Variants in MARCHF1 observed in about 807,000 individuals in gnomAD.
The protein encoded by MARCHF1 is E3 ubiquitin-protein ligase MARCHF1.
In MARCHF1, 40 loss-of-function variants were observed where a neutral mutation model predicts 54.2. The observed-to-expected ratio is 0.74, with a 90% CI of 0.57 to 0.96. The LOEUF (loss-of-function observed/expected upper bound fraction) is 0.96. Ranked by LOEUF, MARCHF1 falls within the 40% of genes least tolerant of loss-of-function variation. The pLI, the probability that MARCHF1 is intolerant of heterozygous loss-of-function variation, is 0.00. For missense variants in MARCHF1, 586 were observed against 656.5 expected, an observed-to-expected ratio of 0.89 and a Z score of 1.17; for synonymous variants, 236 against 236.3, an observed-to-expected ratio of 1.00 and a Z score of 0.01.
chr4:164,207,670 G>C (rs58936603), intron 1 of MARCHF1, among the ~76,000 whole-genome samples: 13,104 of 152,150 alleles, frequency 0.086, 883 homozygotes, highest in East Asian at 0.18. Context: ...CAGCAGCGAA[G>C]CCAAGGCAGT....
chr4:164,282,724 C>G (rs1734055430), intron 1 of MARCHF1, among the ~76,000 whole-genome samples: 1 of 151,274 alleles, frequency 6.6e-6, no homozygotes, highest in African/African-American at 2.4e-5. Context: ...ATTTGGAAAT[C>G]TGAGAGACCA....
At chr4:164,138,470 C>G (rs1373225514) in intron 1 of MARCHF1, among the ~76,000 whole-genome samples, 5 of 152,228 alleles carry the variant, frequency 3.3e-5, no homozygotes, top group Admixed American at 6.5e-5. Context: ...GAGATCACTT[C>G]CAAGAAGTAG....
At chr4:164,197,462 G>C in intron 1 of MARCHF1, 3 of 1,613,630 alleles carry the variant, frequency 1.9e-6, no homozygotes, top group Non-Finnish European at 2.5e-6. Flanking sequence ...GTGAGGTTTG[G>C]ACACTTTTCT....
At chr4:163,873,719 C>G (rs1359644718) in intron 3 of MARCHF1, among the ~76,000 whole-genome samples, 1 of 152,142 alleles carries the variant, frequency 6.6e-6, no homozygotes, top group African/African-American at 2.4e-5. Flanking sequence ...AATTCCTTTC[C>G]CTTCCTTCCT....
At chr4:164,304,108 G>A (rs1275385354) in intron 1 of MARCHF1, among the ~76,000 whole-genome samples, 1 of 152,198 alleles carries the variant, frequency 6.6e-6, no homozygotes, top group African/African-American at 2.4e-5. Context: ...TGTAAGCCAT[G>A]AAATAGTACA....
At chr4:163,777,159 T>C (rs181350144) in intron 4 of MARCHF1, among the ~76,000 whole-genome samples, 1 of 152,192 alleles carries the variant, frequency 6.6e-6, no homozygotes, top group African/African-American at 2.4e-5. Flanking sequence ...ATGTTTAAGT[T>C]GCATGCTAAT....
chr4:163,801,149 G>A (rs1333970295), intron 4 of MARCHF1, among the ~76,000 whole-genome samples: 1 of 152,002 alleles, frequency 6.6e-6, no homozygotes, highest in African/African-American at 2.4e-5. Context: ...TCGGGAGTTG[G>A]AGGAAGAACA....
intron 8 of MARCHF1, among the ~76,000 whole-genome samples, chr4:163,552,658 G>T (rs900421787): frequency 2.0e-5 from 3 of 152,102 alleles, no homozygotes; most frequent in African/African-American, 4.8e-5. Context: ...ACACACTCAG[G>T]CCTCGTTGAA....
At chr4:163,856,680 T>A (rs1444760628) in intron 3 of MARCHF1, among the ~76,000 whole-genome samples, 1 of 152,178 alleles carries the variant, frequency 6.6e-6, no homozygotes, top group Non-Finnish European at 1.5e-5. Context: ...TATGTTAGAA[T>A]CACAGCATCA....
intron 1 of MARCHF1, among the ~76,000 whole-genome samples, chr4:164,339,907 C>T (rs933373337): frequency 2.0e-5 from 3 of 152,032 alleles, no homozygotes; most frequent in South Asian, 2.1e-4. Context: ...CACAGAAATA[C>T]AAATAATCCG....
At chr4:164,362,368 A>T (rs1454040671) in intron 1 of MARCHF1, among the ~76,000 whole-genome samples, 2 of 152,166 alleles carry the variant, frequency 1.3e-5, no homozygotes, top group Non-Finnish European at 2.9e-5. Context: ...AAAAATCTAG[A>T]TGATCAACAA....
chr4:163,547,215 G>T (rs73866788), intron 8 of MARCHF1, among the ~76,000 whole-genome samples: 79 of 152,302 alleles, frequency 5.2e-4, no homozygotes, highest in Admixed American at 9.8e-4. Context: ...GGGCCTCACT[G>T]CCTCGTCTTC....
intron 2 of MARCHF1, among the ~76,000 whole-genome samples, chr4:164,002,535 A>C (rs910117084): frequency 2.6e-5 from 4 of 151,748 alleles, no homozygotes; most frequent in South Asian, 2.1e-4. Context: ...CCAAAAAAAA[A>C]CTTAAAAAAC....
intron 7 of MARCHF1, among the ~76,000 whole-genome samples, chr4:163,599,855 G>A (rs539506403): frequency 1.3e-5 from 2 of 152,294 alleles, no homozygotes; most frequent in African/African-American, 2.4e-5. Context: ...GGCTTCCCCC[G>A]CAAAGGGTCA....
intron 3 of MARCHF1, among the ~76,000 whole-genome samples, chr4:163,854,836 T>G (rs1025424269): frequency 5.3e-5 from 8 of 152,192 alleles, no homozygotes; most frequent in African/African-American, 1.9e-4. Context: ...TTTGGGGGAA[T>G]GTTTTGTCTC....
At chr4:163,909,421 T>A (rs1297869268) in intron 3 of MARCHF1, among the ~76,000 whole-genome samples, 1 of 152,214 alleles carries the variant, frequency 6.6e-6, no homozygotes, top group Non-Finnish European at 1.5e-5. Context: ...ACACTTACAA[T>A]CATGTTTAAT....
At chr4:164,313,908 C>G (rs1205382590) in intron 1 of MARCHF1, among the ~76,000 whole-genome samples, 2 of 152,186 alleles carry the variant, frequency 1.3e-5, no homozygotes, top group Non-Finnish European at 2.9e-5. Flanking sequence ...CTAATCTGCT[C>G]TAGTTCCTAT....
intron 5 of MARCHF1, among the ~76,000 whole-genome samples, chr4:163,627,012 T>A (rs1741895977): frequency 6.6e-6 from 1 of 152,126 alleles, no homozygotes; most frequent in African/African-American, 2.4e-5. Flanking sequence ...TTGTGAAAAA[T>A]TTATTTAATG....
intron 1 of MARCHF1, among the ~76,000 whole-genome samples, chr4:164,284,820 T>G (rs750790082): frequency 6.6e-6 from 1 of 151,132 alleles, no homozygotes; most frequent in Non-Finnish European, 1.5e-5. Flanking sequence ...CGTATATGTT[T>G]AGCACATATT....
Sources: gnomAD v4.1 joint callset for allele counts (sites outside exome capture counted in the v4.1 genomes callset) on GRCh38, gnomAD v4.1.1 for gene constraint, MANE v1.5 for transcripts, NCBI Gene and HGNC (gene_info 2026-07-23, HGNC 2026-07-21) for gene names.